NASP: variants seen among roughly 807,000 people sequenced by gnomAD.
The protein encoded by NASP is NASP histone chaperone.
In NASP, 24 loss-of-function variants were observed where a neutral mutation model predicts 89.5. The observed-to-expected ratio is 0.27, with a 90% CI of 0.19 to 0.38. The LOEUF (loss-of-function observed/expected upper bound fraction) is 0.38, where lower values mean the gene tolerates loss of function less well. Ranked by LOEUF, NASP falls within the 10% of genes least tolerant of loss-of-function variation. NASP has a pLI of 1.00. For missense variants in NASP, 848 were observed against 921.4 expected (o/e 0.92, Z 1.03); for synonymous variants, 306 against 324.7 (o/e 0.94, Z 0.62).
At position 45,610,205 on chromosome 1, in the gene NASP, G is replaced by GA. The variant is rs200218693; in HGVS notation, c.1426+1878dup. 9.0e-4 allele frequency: 133 copies of GA among 148,356 alleles called. 2 individuals are homozygous for GA. The highest frequency in any genetic ancestry group is 7.2e-3 in the South Asian group (34 of 4,728). The allele number at this position is 148,356 out of a possible 1,614,324, so 9.2% of individuals were successfully genotyped here. A position where few individuals can be genotyped will look rare whatever the true frequency, so the allele number is the denominator to read the frequency against. On this transcript the variant is annotated intron_variant, in intron 6 of 14. Transcript: ENST00000350030. ...CACAGCGAGTCTCTGTCTTCCAAAA[G>GA]AAAAAAAAAATCTGTCACTTATTTA... is the stretch of plus-strand genomic sequence containing the variant.
At chr1:45,600,009 A>G (rs1392236636) in intron 2 of NASP, among the ~76,000 whole-genome samples, 5 of 116,782 alleles carry the variant, frequency 4.3e-5, no homozygotes, top group Admixed American at 2.3e-4. Context: ...CTTCAATTTG[A>G]CATTGTCCCT....
chr1:45,615,670 G>A, intron 11 of NASP, 199 bp downstream of exon 11: 1 of 545,894 alleles, frequency 1.8e-6, no homozygotes, highest in Non-Finnish European at 3.2e-6. Flanking sequence ...ATACTTACGT[G>A]TGGCCATGGG....
intron 2 of NASP, among the ~76,000 whole-genome samples, chr1:45,596,366 C>G (rs1343622460): frequency 6.6e-6 from 1 of 152,216 alleles, no homozygotes; most frequent in Admixed American, 6.5e-5. Flanking sequence ...ACAACTCCCT[C>G]TTTCTGTCTT....
chr1:45,613,705 G>T (rs1162228455), intron 7 of NASP, among the ~76,000 whole-genome samples: 1 of 151,856 alleles, frequency 6.6e-6, no homozygotes, highest in East Asian at 1.9e-4. Flanking sequence ...GCCCAGGCTG[G>T]TCTCAAACCT....
chr1:45,595,510 T>C (rs1055872088), intron 2 of NASP, among the ~76,000 whole-genome samples: 6 of 152,162 alleles, frequency 3.9e-5, no homozygotes, highest in Non-Finnish European at 8.8e-5. Flanking sequence ...CTGTTCATGC[T>C]CTTATTCAGC....
At chr1:45,606,273 G>A (rs1191552523) in intron 4 of NASP, among the ~76,000 whole-genome samples, 1 of 152,154 alleles carries the variant, frequency 6.6e-6, no homozygotes, top group Non-Finnish European at 1.5e-5. Flanking sequence ...GCTGGATGGA[G>A]GAATATGCTT....
At chr1:45,607,123 G>A (rs2148358266) in intron 5 of NASP, 198 bp from the exon 6 acceptor site, 1 of 586,618 alleles carries the variant, frequency 1.7e-6, no homozygotes, top group Non-Finnish European at 3.0e-6. Context: ...ACAAGCTTGG[G>A]TTTCTTTTGC....
intron 2 of NASP, among the ~76,000 whole-genome samples, chr1:45,591,744 T>C (rs997756482): frequency 1.3e-5 from 2 of 152,222 alleles, no homozygotes; most frequent in African/African-American, 2.4e-5. Context: ...TGACTATGTT[T>C]CTTAATCAGA....
At position 45,616,641 on chromosome 1, in the gene NASP, C is replaced by G. The variant is rs767687243; in HGVS notation, c.2095C>G (p.Pro699Ala). 9 of 1,614,026 alleles carry G rather than the reference C, an allele frequency of 5.6e-6. No individual in the cohort carries two copies. Among genetic ancestry groups the G allele is most frequent in the South Asian group, 1.1e-5 (1 of 91,078 alleles). The change falls in exon 13 of 15, where the codon CCA becomes GCA. Residue 699 changes from proline to alanine, a missense_variant. This residue lies in a region of NASP where 218 missense variants were observed against 219.6 expected (regional missense o/e 0.99). Coordinates refer to ENST00000350030, the MANE Select transcript of NASP (RefSeq NM_002482.4). ...ATTTTGCCAGATTGCCAGTAGAAAG[C>G]CAACAGACGGTGCTTCCTCATCAAA... ...SSVSMIASRK[P>A]TDGASSSNCV...
At chr1:45,607,039 G>A (rs1557660457) in intron 5 of NASP, among the ~76,000 whole-genome samples, 1 of 152,128 alleles carries the variant, frequency 6.6e-6, no homozygotes, top group Non-Finnish European at 1.5e-5. Flanking sequence ...ATATCAGATG[G>A]GGGAGAATGA....
chr1:45,608,751 T>C (rs1170190600), intron 6 of NASP, among the ~76,000 whole-genome samples: 2 of 152,190 alleles, frequency 1.3e-5, no homozygotes, highest in Admixed American at 6.5e-5. Flanking sequence ...TTTAAAATTA[T>C]TGTTCACATG....
intron 1 of NASP, among the ~76,000 whole-genome samples, chr1:45,589,363 A>G (rs1217114561): frequency 6.6e-6 from 1 of 152,084 alleles, no homozygotes; most frequent in African/African-American, 2.4e-5. Context: ...GAGCTCAAGC[A>G]GTCCACCTAC....
chr1:45,601,484 G>A (rs1269338503), intron 2 of NASP, among the ~76,000 whole-genome samples: 3 of 152,078 alleles, frequency 2.0e-5, no homozygotes, highest in African/African-American at 7.2e-5. Context: ...AGTCATATAT[G>A]CATGGATCTG....
intron 2 of NASP, among the ~76,000 whole-genome samples, chr1:45,593,385 T>C (rs1353590613): frequency 6.6e-6 from 1 of 151,654 alleles, no homozygotes; most frequent in African/African-American, 2.4e-5. Context: ...ATACAAAAAT[T>C]AGTTGAGCGT....
chr1:45,584,532 G>T (rs1030841576), intron 1 of NASP, among the ~76,000 whole-genome samples: 3 of 152,364 alleles, frequency 2.0e-5, no homozygotes, highest in Admixed American at 6.5e-5. Context: ...GGGCCCTGGC[G>T]CGCGGGTTGG....
intron 1 of NASP, among the ~76,000 whole-genome samples, chr1:45,584,518 G>C (rs1644499286): frequency 6.6e-6 from 1 of 152,172 alleles, no homozygotes; most frequent in East Asian, 1.9e-4. Context: ...TTGGCCGGGA[G>C]GCGGGGCCCT....
intron 2 of NASP, among the ~76,000 whole-genome samples, chr1:45,596,623 G>GT (rs1643702374): frequency 6.6e-6 from 1 of 152,216 alleles, no homozygotes; most frequent in Non-Finnish European, 1.5e-5. Context: ...ATACAAGATA[G>GT]ACTGGTTTTT....
intron 3 of NASP, among the ~76,000 whole-genome samples, chr1:45,602,815 G>C (rs905856820): frequency 6.6e-6 from 1 of 152,084 alleles, no homozygotes; most frequent in Non-Finnish European, 1.5e-5. Flanking sequence ...GTAGAGATGG[G>C]GTTTCCCCAC....
At chr1:45,609,553 C>G (rs1437986955) in intron 6 of NASP, 1 of 152,188 alleles carries the variant, frequency 6.6e-6, no homozygotes, top group Non-Finnish European at 1.5e-5. Flanking sequence ...ATGTCTTGAT[C>G]TTAATGATTG....
Sources: allele counts gnomAD v4.1 joint callset (sites outside exome capture counted in the v4.1 genomes callset), GRCh38; gene constraint gnomAD v4.1.1; regional missense constraint gnomAD v4.1.1; transcripts MANE v1.5; gene names NCBI Gene and HGNC (gene_info 2026-07-23, HGNC 2026-07-21).